CT47C1: variants seen among roughly 807,000 people sequenced by gnomAD.
CT47C1 encodes cancer/testis antigen family 47 member A11 pseudogene.
the CT47C1 span, chrX:119,076,488 G>C: frequency 2.7e-5 from 3 of 112,125 alleles, no homozygotes; most frequent in Non-Finnish European, 5.6e-5. Flanking sequence ...CCACCATTTA[G>C]TAAGACTGTT....
the CT47C1 span, chrX:119,073,672 G>A: frequency 1.7e-6 from 1 of 586,913 alleles, no homozygotes. Flanking sequence ...TGATCAGGAT[G>A]CGTGGCGGCC....
At chrX:119,075,666 G>A in the CT47C1 span, among the ~76,000 whole-genome samples, 1 of 110,021 alleles carries the variant, frequency 9.1e-6, no homozygotes, top group Non-Finnish European at 1.9e-5. Context: ...AAGAATGTGT[G>A]TAATTAAGTC....
At chrX:119,073,196 G>A in the CT47C1 span, 5 of 467,608 alleles carry the variant, frequency 1.1e-5, no homozygotes, top group African/African-American at 4.8e-5. Context: ...CAGCCTAGTC[G>A]CCACTCCAGT....
the CT47C1 span, among the ~76,000 whole-genome samples, chrX:119,075,828 G>A: frequency 9.1e-6 from 1 of 109,554 alleles, no homozygotes; most frequent in Non-Finnish European, 1.9e-5. Flanking sequence ...GAGAGTAAGG[G>A]AGTATCATTT....
At chrX:119,075,855 C>T in the CT47C1 span, among the ~76,000 whole-genome samples, 1 of 109,866 alleles carries the variant, frequency 9.1e-6, no homozygotes, top group Admixed American at 9.7e-5. Flanking sequence ...CTAGCACAGG[C>T]TGTTAAAGCT....
the CT47C1 span, chrX:119,074,894 G>T: frequency 1.0e-6 from 1 of 964,730 alleles, no homozygotes; most frequent in Non-Finnish European, 1.5e-6. Flanking sequence ...GCCGCTGCTG[G>T]TTATAAATTG....
chrX:119,075,877 T>C, the CT47C1 span, among the ~76,000 whole-genome samples: 1 of 111,542 alleles, frequency 9.0e-6, no homozygotes, highest in Non-Finnish European at 1.9e-5. Context: ...GAGAGATTTA[T>C]TTAAATCCCA....
chrX:119,073,367 G>A, the CT47C1 span: 218 of 534,529 alleles, frequency 4.1e-4, 1 homozygote, highest in Non-Finnish European at 6.5e-4. Flanking sequence ...GGCCGGAGTC[G>A]CAGGGCCCAT....
At chrX:119,073,883 G>A in the CT47C1 span, 190 of 849,024 alleles carry the variant, frequency 2.2e-4, 3 homozygotes, top group African/African-American at 3.3e-3. Flanking sequence ...AGAAGAGCCC[G>A]CAGAGGAGGC....
the CT47C1 span, chrX:119,073,817 T>C: frequency 1.1e-6 from 1 of 877,144 alleles, no homozygotes; most frequent in Non-Finnish European, 1.7e-6. Flanking sequence ...GGAGGCCGCG[T>C]TGGTCCCAGA....
chrX:119,074,904 G>A, the CT47C1 span: 6 of 979,857 alleles, frequency 6.1e-6, no homozygotes, highest in Non-Finnish European at 8.5e-6. Context: ...GTTATAAATT[G>A]GGCTATATTT....
chrX:119,074,542 T>C, the CT47C1 span, among the ~76,000 whole-genome samples: 5 of 111,171 alleles, frequency 4.5e-5, no homozygotes, highest in Non-Finnish European at 9.4e-5. Context: ...CAGGGGCCCT[T>C]GGTAAAAATG....
the CT47C1 span, among the ~76,000 whole-genome samples, chrX:119,075,641 T>C: frequency 8.9e-6 from 1 of 112,607 alleles, no homozygotes; most frequent in Admixed American, 9.4e-5. Context: ...CTTTGTATTT[T>C]ATGTGACAAA....
the CT47C1 span, chrX:119,074,094 T>C: frequency 2.0e-6 from 1 of 495,464 alleles, no homozygotes; most frequent in Non-Finnish European, 3.5e-6. Flanking sequence ...GAACAGGCTA[T>C]CTGCAGTGGC....
chrX:119,073,972 GGAGGAGCTCGCA>G, the CT47C1 span: 1 of 734,805 alleles, frequency 1.4e-6, no homozygotes, highest in Non-Finnish European at 2.1e-6. Context: ...AGGCCGCAGA[GGAGGAGCTCGCA>G]GAGGAGGCCG....
At chrX:119,073,734 G>T in the CT47C1 span, 1 of 768,080 alleles carries the variant, frequency 1.3e-6, no homozygotes. Flanking sequence ...GAAGAGCCCC[G>T]GCTGTTGCTG....
the CT47C1 span, among the ~76,000 whole-genome samples, chrX:119,074,444 C>G: frequency 9.0e-6 from 1 of 111,231 alleles, no homozygotes; most frequent in Non-Finnish European, 1.9e-5. Flanking sequence ...AAGAAAAGAA[C>G]AGGCAAATGG....
At chrX:119,074,928 G>T in the CT47C1 span, 3 of 1,014,735 alleles carry the variant, frequency 3.0e-6, no homozygotes, top group Non-Finnish European at 4.1e-6. Context: ...GTGAATGTCT[G>T]GTCCCAACAT....
chrX:119,073,616 A>G, the CT47C1 span: 3 of 554,631 alleles, frequency 5.4e-6, no homozygotes, highest in Admixed American at 2.5e-5. Context: ...GTTTCTGGAC[A>G]TGGTCCACTC....
Sources: gnomAD v4.1 joint callset for allele counts (sites outside exome capture counted in the v4.1 genomes callset) on GRCh38, gnomAD v4.1.1 for gene constraint, MANE v1.5 for transcripts, NCBI Gene and HGNC (gene_info 2026-07-23, HGNC 2026-07-21) for gene names.